USP43: variants seen among roughly 807,000 people sequenced by gnomAD.
USP43 encodes ubiquitin specific peptidase 43.
Under a neutral mutation model 90.7 loss-of-function variants are expected in USP43, and 33 were observed. The ratio of observed to expected loss-of-function variants is 0.36; its 90% CI spans 0.28 to 0.49. USP43 has a LOEUF of 0.49. Among genes scored for constraint, USP43 ranks in the 20% least tolerant of loss-of-function variants. The probability of loss-of-function intolerance (pLI) is 0.98; values close to 1 mark genes in which losing one functional copy is unlikely to be tolerated. For synonymous variants in USP43, 598 were observed against 615.8 expected (o/e 0.97, Z 0.43); for missense variants, 1,274 against 1,476.4 (o/e 0.86, Z 2.25).
In USP43 at chr17:9,674,760, C is replaced by T. The variant is rs577367220; in HGVS notation, c.741-131C>T. The T allele has an allele frequency of 2.6e-6, 2 of 760,612 alleles. No individual in the cohort carries two copies. The highest frequency in any genetic ancestry group is 4.0e-5 in the Admixed American group (2 of 49,636). 47.1% of individuals were successfully genotyped at this position (760,612 alleles called of 1,614,324 possible). A position where few individuals can be genotyped will look rare whatever the true frequency, so the allele number is the denominator to read the frequency against. ...GTACAAGTATTTGAACACCTGTTCTCAATTCTTCTGGGTATGTACCTACGA... is the reference window on the plus strand; with the variant it reads ...GTACAAGTATTTGAACACCTGTTCTTAATTCTTCTGGGTATGTACCTACGA... On this transcript the variant is annotated intron_variant, in intron 3 of 14. Transcript: ENST00000285199. The surrounding 1 kb of genome is among the most constrained non-coding windows in gnomAD (Gnocchi z 4.4).
rs1913810726 is a variant in USP43 at position 9,676,772 on chromosome 17, C to T, written c.860C>T (p.Pro287Leu). Residue 287 changes from proline (P) to leucine (L), a missense_variant, in exon 5 of 15, where the codon CCC (proline) becomes CTC (leucine). Around this residue, in one of 6 missense-constraint regions of USP43, gnomAD observed 259 missense variants for 373.7 expected, o/e 0.69. Transcript: ENST00000285199. ...TRFLSVTLVF[P>L]SKSQRFLRVG... ...TTCTTGAGTGTCACCTTGGTCTTCC[C>T]CTCTAAGAGCCAGCGGTTCCTGCGG... The T allele has an allele frequency of 6.2e-7, 1 of 1,613,738 alleles. No homozygotes were observed. The highest frequency in any genetic ancestry group is 1.3e-5 in the African/African-American group (1 of 74,918).
At chr17:9,654,985 G>T (rs149685698) in intron 1 of USP43, among the ~76,000 whole-genome samples, 387 of 148,842 alleles carry the variant, frequency 2.6e-3, no homozygotes, top group South Asian at 4.5e-3. Context: ...TGATCCATCC[G>T]CCTCGGCCTC....
chr17:9,662,120 C>T (rs148459797), intron 2 of USP43, among the ~76,000 whole-genome samples: 335 of 152,218 alleles, frequency 2.2e-3, no homozygotes, highest in African/African-American at 7.7e-3. Context: ...TCATGATTCA[C>T]GTTCAGAGTA....
intron 12 of USP43, among the ~76,000 whole-genome samples, chr17:9,707,074 T>A (rs1387854924): frequency 6.6e-6 from 1 of 152,208 alleles, no homozygotes; most frequent in Non-Finnish European, 1.5e-5. Context: ...TTTTTGTTTT[T>A]AGTGGATTTT....
Position 9,686,522 on chromosome 17 carries a change from A to T in USP43, c.1242-276A>T, listed in dbSNP as rs952955184. Among the ~76,000 whole-genome samples the T allele has an allele frequency of 6.6e-6, 1 of 152,098 alleles. No homozygotes were observed. Among genetic ancestry groups the T allele is most frequent in the Admixed American group, 6.6e-5 (1 of 15,266 alleles). The stretch of plus-strand genomic sequence containing the variant: ...CCTAACTGGGGTAAGATGATATCTC[A>T]TTGGGGTTTTGACTTGCATTTCCCT... On this transcript the variant is annotated intron_variant, in intron 7 of 14. Transcript: ENST00000285199. This position sits in a 1 kb window ranked among gnomAD's most constrained non-coding sequence, Gnocchi z 5.5.
At chr17:9,684,763 C>CAAAAAA (rs34404550) in intron 7 of USP43, among the ~76,000 whole-genome samples, 4 of 65,782 alleles carry the variant, frequency 6.1e-5, no homozygotes, top group South Asian at 5.3e-4. Flanking sequence ...AACTCCATCT[C>CAAAAAA]AAAAAAAAAA....
chr17:9,697,761 C>T (rs1915363002), intron 9 of USP43, among the ~76,000 whole-genome samples: 1 of 151,918 alleles, frequency 6.6e-6, no homozygotes, highest in South Asian at 2.1e-4. Flanking sequence ...GGGTTGACTC[C>T]ATGGCCTTAC....
intron 3 of USP43, among the ~76,000 whole-genome samples, chr17:9,667,355 G>A (rs906202413): frequency 2.0e-5 from 3 of 151,776 alleles, no homozygotes; most frequent in Non-Finnish European, 4.4e-5. Context: ...TCGCACCACT[G>A]TACTCCAGCC....
Position 9,645,960 on chromosome 17 carries a change from T to A in USP43, c.328T>A (p.Cys110Ser). ...AQGLKNHGNT[C>S]FMNAVVQCLS... Reference sequence around the variant, plus strand: ...GGGCTTGAAGAACCACGGCAACACCTGTTTCATGAACGCGGTGGTGCAGTG... The same window carrying A: ...GGGCTTGAAGAACCACGGCAACACCAGTTTCATGAACGCGGTGGTGCAGTG... The change falls in exon 1 of 15, where the codon TGT becomes AGT. Residue 110 changes from cysteine to serine, a missense_variant. Transcript: ENST00000285199. This position sits in a 1 kb window ranked among gnomAD's most constrained non-coding sequence, Gnocchi z 6.8. The A allele has an allele frequency of 6.8e-7, 1 of 1,476,756 alleles. No homozygotes were observed. 91.5% of individuals were successfully genotyped at this position (1,476,756 alleles called of 1,614,324 possible). A position where few individuals can be genotyped will look rare whatever the true frequency, so the allele number is the denominator to read the frequency against.
intron 7 of USP43, among the ~76,000 whole-genome samples, chr17:9,684,993 C>T (rs1401416632): frequency 6.6e-6 from 1 of 152,086 alleles, no homozygotes; most frequent in Non-Finnish European, 1.5e-5. Flanking sequence ...GAACTTTACC[C>T]TAAGGGAATA....
chr17:9,666,373 G>A (rs1913038496), intron 2 of USP43, among the ~76,000 whole-genome samples: 1 of 152,152 alleles, frequency 6.6e-6, no homozygotes, highest in African/African-American at 2.4e-5. Context: ...CAGGGGGAAC[G>A]GGTGAGGCTG....
rs536235405 is a variant in USP43 at position 9,728,263 on chromosome 17, C to A, written c.2645C>A (p.Ala882Asp). Residue 882 changes from alanine (A) to aspartate (D), a missense_variant, in exon 15 of 15, where the codon GCC (alanine) becomes GAC (aspartate). Transcript: ENST00000285199. This position sits in a 1 kb window ranked among gnomAD's most constrained non-coding sequence, Gnocchi z 6.2. ...GCTAACAGCGAAGATGGTGGGCGGG[C>A]CATTGAAAGAGGTCCAGCCGGGGTG... is the stretch of plus-strand genomic sequence containing the variant. ...LPANSEDGGR[A>D]IERGPAGVPC... The A allele has an allele frequency of 1.0e-4, 169 of 1,613,578 alleles. No homozygotes were observed. In the South Asian group the frequency reaches 1.6e-3, roughly 15 times the overall value.
chr17:9,680,719 C>T (rs992926957), intron 6 of USP43, among the ~76,000 whole-genome samples: 3 of 152,036 alleles, frequency 2.0e-5, no homozygotes, highest in African/African-American at 4.8e-5. Flanking sequence ...CCAGGAACCA[C>T]ACTTTGAGAA....
chr17:9,693,267 C>T (rs1209707781), intron 9 of USP43, 37 bp downstream of exon 9: 1 of 1,532,596 alleles, frequency 6.5e-7, no homozygotes, highest in Non-Finnish European at 9.0e-7. Context: ...AGCTAATGAA[C>T]CCTTTCTTAT....
At position 9,681,305 on chromosome 17, in the gene USP43, GATAAATATATATAAATATATATATAA is replaced by G. The variant is rs925757940; in HGVS notation, c.1105+953_1105+978del. Among the ~76,000 whole-genome samples, 31 of 91,392 alleles carry G rather than the reference GATAAATATATATAAATATATATATAA, an allele frequency of 3.4e-4. 1 individual carries two copies. Among genetic ancestry groups the G allele is most frequent in the East Asian group, 1.2e-3 (4 of 3,424 alleles). 60.0% of individuals were successfully genotyped at this position (91,392 alleles called of 152,430 possible). A position where few individuals can be genotyped will look rare whatever the true frequency, so the allele number is the denominator to read the frequency against. On this transcript the variant is annotated intron_variant, in intron 6 of 14. Transcript: ENST00000285199. Reference sequence around the variant, plus strand: ...AATTATATATGTTATATATAATATAGATAAATATATATAAATATATATATAAATAAATATATATATAAATAAAATAA... The same window carrying G: ...AATTATATATGTTATATATAATATAGATAAATATATATATAAATAAAATAA...
At chr17:9,670,092 G>T (rs948306981) in intron 3 of USP43, among the ~76,000 whole-genome samples, 22 of 149,362 alleles carry the variant, frequency 1.5e-4, no homozygotes, top group African/African-American at 4.5e-4. Flanking sequence ...AGGCTGGAGT[G>T]CAGTGGCGCA....
chr17:9,687,079 G>A (rs1325012929), intron 8 of USP43, among the ~76,000 whole-genome samples, 170 bp downstream of exon 8: 3 of 152,186 alleles, frequency 2.0e-5, no homozygotes, highest in African/African-American at 2.4e-5. Context: ...TATTTGCAAG[G>A]AAGTAACCAT....
chr17:9,646,129 A>C lies in USP43; in HGVS notation c.497A>C (p.Glu166Ala), dbSNP rs1368111278. ...GAATACACGCCCCAACTTTCCGCGG[A>C]GTTCAAGGTAGGCAGCGCTGCGCCG... ...TREYTPQLSAEFKNAVSKYGS... is the reference protein window; with the variant it reads ...TREYTPQLSAAFKNAVSKYGS... Residue 166 changes from glutamate (E) to alanine (A), a missense_variant, in exon 1 of 15, where the codon GAG (glutamate) becomes GCG (alanine). Glu to Ala is a moderately radical substitution (Grantham distance 107). This residue lies in a region of USP43 where 259 missense variants were observed against 373.7 expected (regional missense o/e 0.69). Coordinates refer to ENST00000285199, the MANE Select transcript of USP43 (RefSeq NM_153210.5). 1 of 1,449,984 alleles carries C rather than the reference A, an allele frequency of 6.9e-7. No homozygotes were observed. The highest frequency in any genetic ancestry group is 9.0e-7 in the Non-Finnish European group (1 of 1,105,024). The allele number at this position is 1,449,984 out of a possible 1,614,324, so 89.8% of individuals were successfully genotyped here.
chr17:9,656,227 T>G (rs1912234032), intron 1 of USP43, among the ~76,000 whole-genome samples, 176 bp from the exon 2 acceptor site: 1 of 152,168 alleles, frequency 6.6e-6, no homozygotes, highest in Non-Finnish European at 1.5e-5. Context: ...TTTGGGGACA[T>G]TGCCCCAAAA....
Sources: allele counts gnomAD v4.1 joint callset (sites outside exome capture counted in the v4.1 genomes callset), GRCh38; gene constraint gnomAD v4.1.1; regional missense constraint gnomAD v4.1.1; non-coding constraint Gnocchi (gnomAD v3.1); transcripts MANE v1.5; gene names NCBI Gene and HGNC (gene_info 2026-07-23, HGNC 2026-07-21).